The following DCUN1D5 variants were observed in gnomAD, a reference collection of about 807,000 sequenced individuals.
The protein encoded by DCUN1D5 is defective in cullin neddylation 1 domain containing 5.
DCUN1D5 carries 10 observed loss-of-function variants against 38.3 expected under a neutral mutation model. The ratio of observed to expected loss-of-function variants is 0.26; its 90% confidence interval spans 0.16 to 0.44. The LOEUF is 0.44. DCUN1D5 is among the 20% of genes least tolerant of loss of function. DCUN1D5 has a pLI of 1.00. For missense variants in DCUN1D5, 148 were observed against 275.3 expected, an observed-to-expected ratio of 0.54 and a Z score of 3.27; for synonymous variants, 93 against 90.9, an observed-to-expected ratio of 1.02 and a Z score of -0.13.
At position 103,091,919 on chromosome 11, in the gene DCUN1D5, T is replaced by TCCCTGTCCGCTGGAAGC; in HGVS notation, c.-64_-48dup. 6.4e-7 allele frequency: 1 copy of TCCCTGTCCGCTGGAAGC among 1,559,954 alleles called. No homozygotes were observed. Among genetic ancestry groups the TCCCTGTCCGCTGGAAGC allele is most frequent in the Non-Finnish European group, 8.7e-7 (1 of 1,146,736 alleles). The stretch of plus-strand genomic sequence containing the variant: ...TGGGCAGGGGAGCCGGGGAAGGGGG[T>TCCCTGTCCGCTGGAAGC]CCCTGTCCGCTGGAAGCCCCTCAGC... On this transcript the variant is annotated 5_prime_UTR_variant, in exon 1 of 8. Coordinates refer to ENST00000260247, the MANE Select transcript of DCUN1D5 (RefSeq NM_032299.4). This position sits in a 1 kb window ranked among gnomAD's most constrained non-coding sequence, Gnocchi z 4.3.
Position 103,065,186 on chromosome 11 carries a change from C to G in DCUN1D5, c.556-809G>C, listed in dbSNP as rs1426182906. Among the ~76,000 whole-genome samples, 1 of 150,236 alleles carries G rather than the reference C, an allele frequency of 6.7e-6. No individual in the cohort carries two copies. Among genetic ancestry groups the G allele is most frequent in the Admixed American group, 6.6e-5 (1 of 15,100 alleles). On this transcript the variant is annotated intron_variant, in intron 6 of 7. Coordinates refer to ENST00000260247, the MANE Select transcript of DCUN1D5 (RefSeq NM_032299.4). The surrounding 1 kb of genome is among the most constrained non-coding windows in gnomAD (Gnocchi z 4.6). ...TTTTTTTCTGAGACAGAGTCTCGTT[C>G]TGTCACCCAGGCTGGAGTGTAGTGG...
At chr11:103,079,170 T>C (rs1199688446) in intron 4 of DCUN1D5, among the ~76,000 whole-genome samples, 1 of 152,204 alleles carries the variant, frequency 6.6e-6, no homozygotes, top group African/African-American at 2.4e-5. Context: ...TATGAGAATC[T>C]AATGCCTGAT....
At chr11:103,085,445 TAAA>T (rs1862680047) in intron 2 of DCUN1D5, among the ~76,000 whole-genome samples, 1 of 152,018 alleles carries the variant, frequency 6.6e-6, no homozygotes, top group South Asian at 2.1e-4. Context: ...TCAAAAAATA[TAAA>T]AAATAAAAAA....
At position 103,057,098 on chromosome 11, in the gene DCUN1D5, A is replaced by G. The variant is rs1211448770; in HGVS notation, c.*5261T>C. ...CTCTCAATAGGCATAGTTTCAGGGA[A>G]TAATGTAAATTTCAAATAGGTAAGA... is the stretch of plus-strand genomic sequence containing the variant. On this transcript the variant is annotated 3_prime_UTR_variant, in exon 8 of 8. Coordinates refer to ENST00000260247, the MANE Select transcript of DCUN1D5 (RefSeq NM_032299.4). This position sits in a 1 kb window ranked among gnomAD's most constrained non-coding sequence, Gnocchi z 4.8. Among the ~76,000 whole-genome samples the G allele has an allele frequency of 3.3e-5, 5 of 152,188 alleles. No homozygotes were observed. Among genetic ancestry groups the G allele is most frequent in the Non-Finnish European group, 7.3e-5 (5 of 68,036 alleles).
chr11:103,074,802 G>A (rs1051133700), intron 4 of DCUN1D5, among the ~76,000 whole-genome samples: 3 of 152,202 alleles, frequency 2.0e-5, no homozygotes, highest in African/African-American at 7.2e-5. Context: ...TGTCTTATGC[G>A]GAAATTGTGA....
Position 103,051,722 on chromosome 11 carries a change from C to T in DCUN1D5, c.*10637G>A, listed in dbSNP as rs1288594338. 1.3e-5 allele frequency: 2 copies of T among 152,090 alleles called. No homozygotes were observed. Among genetic ancestry groups the T allele is most frequent in the African/African-American group, 2.4e-5 (1 of 41,380 alleles). The allele number at this position is 152,090 out of a possible 1,614,324, so 9.4% of individuals were successfully genotyped here. A position where few individuals can be genotyped will look rare whatever the true frequency, so the allele number is the denominator to read the frequency against. On this transcript the variant is annotated 3_prime_UTR_variant, in exon 8 of 8. Transcript: ENST00000260247. ...AATATGCACATCAATCTTACCTCTA[C>T]CTCACAGAAGAGGAAAAAGGGAGCT... is the stretch of plus-strand genomic sequence containing the variant.
intron 4 of DCUN1D5, among the ~76,000 whole-genome samples, chr11:103,069,313 C>T (rs1862213579): frequency 1.3e-5 from 2 of 152,132 alleles, no homozygotes; most frequent in African/African-American, 4.8e-5. Context: ...TGCCTTTTCT[C>T]TAGCCAAAAG....
rs1467065317 is a variant in DCUN1D5, at chr11:103,063,936, T to A, written c.658+339A>T. Among the ~76,000 whole-genome samples the A allele has an allele frequency of 6.6e-6, 1 of 152,184 alleles. No individual in the cohort carries two copies. The highest frequency in any genetic ancestry group is 2.4e-5 in the African/African-American group (1 of 41,468). On this transcript the variant is annotated intron_variant, in intron 7 of 7. Coordinates refer to ENST00000260247, the MANE Select transcript of DCUN1D5 (RefSeq NM_032299.4). The surrounding 1 kb of genome is among the most constrained non-coding windows in gnomAD (Gnocchi z 4.6). ...ATTGTGGCTGATTGTTTTGCTGTTA[T>A]ATTTTTAAAATCATGACTGTACTTT...
At chr11:103,072,071 C>T (rs1269708795) in intron 4 of DCUN1D5, among the ~76,000 whole-genome samples, 1 of 151,668 alleles carries the variant, frequency 6.6e-6, no homozygotes, top group Non-Finnish European at 1.5e-5. Context: ...GGAGTGTCCT[C>T]AACTTCGTAG....
At chr11:103,085,521 G>T (rs1862682835) in intron 2 of DCUN1D5, among the ~76,000 whole-genome samples, 1 of 152,094 alleles carries the variant, frequency 6.6e-6, no homozygotes, top group Non-Finnish European at 1.5e-5. Context: ...ATTAAAATTT[G>T]GTTAGAAGCA....
In DCUN1D5 at chr11:103,053,151, T is replaced by C. The variant is rs192672107; in HGVS notation, c.*9208A>G. ...TTTATTTTTTAATATTTCTCTTTTT[T>C]AAAAATAGAGTCCTTCCTATGAAGT... On this transcript the variant is annotated 3_prime_UTR_variant, in exon 8 of 8. Transcript: ENST00000260247. The surrounding 1 kb of genome is among the most constrained non-coding windows in gnomAD (Gnocchi z 4.8). 1.3e-5 allele frequency: 2 copies of C among 152,150 alleles called. No homozygotes were observed. Among genetic ancestry groups the C allele is most frequent in the Non-Finnish European group, 2.9e-5 (2 of 67,992 alleles). The allele number at this position is 152,150 out of a possible 1,614,324, so 9.4% of individuals were successfully genotyped here.
chr11:103,067,099 C>A (rs1555027805), intron 4 of DCUN1D5, among the ~76,000 whole-genome samples: 1 of 152,086 alleles, frequency 6.6e-6, no homozygotes, highest in Non-Finnish European at 1.5e-5. Context: ...AACAAAAAGT[C>A]AAAGTCAATC....
At chr11:103,072,787 C>G (rs931344544) in intron 4 of DCUN1D5, among the ~76,000 whole-genome samples, 1 of 151,400 alleles carries the variant, frequency 6.6e-6, no homozygotes, top group Non-Finnish European at 1.5e-5. Context: ...GGAGGGATAG[C>G]ATTAGGAGAT....
Position 103,078,295 on chromosome 11 carries a change from T to A in DCUN1D5, c.341+4453A>T, listed in dbSNP as rs576730835. Among the ~76,000 whole-genome samples, 2 of 152,296 alleles carry A rather than the reference T, an allele frequency of 1.3e-5. No individual in the cohort carries two copies. The highest frequency in any genetic ancestry group is 2.1e-4 in the South Asian group (1 of 4,830). ...ACACCAGACTTTCAGCTAGCAGATA[T>A]GAGAAAAGACCTCCACTCTAGTACA... On this transcript the variant is annotated intron_variant, in intron 4 of 7. Transcript: ENST00000260247. This position sits in a 1 kb window ranked among gnomAD's most constrained non-coding sequence, Gnocchi z 4.6.
In DCUN1D5 at chr11:103,091,608, G is replaced by T; in HGVS notation, c.86+179C>A. The T allele has an allele frequency of 9.0e-7, 1 of 1,113,444 alleles. No homozygotes were observed. Among genetic ancestry groups the T allele is most frequent in the Non-Finnish European group, 1.3e-6 (1 of 770,742 alleles). The allele number at this position is 1,113,444 out of a possible 1,614,324, so 69.0% of individuals were successfully genotyped here. A position where few individuals can be genotyped will look rare whatever the true frequency, so the allele number is the denominator to read the frequency against. ...CATAAACGCCAGCGTGCACACACTC[G>T]AACACGAGGTCGGGTCGGGCGCGGA... On this transcript the variant is annotated intron_variant, in intron 1 of 7. Transcript: ENST00000260247. The surrounding 1 kb of genome is among the most constrained non-coding windows in gnomAD (Gnocchi z 4.3).
rs1334404685 is a variant in DCUN1D5 at position 103,073,229 on chromosome 11, T to C, written c.342-6662A>G. On this transcript the variant is annotated intron_variant, in intron 4 of 7. Transcript: ENST00000260247. This position sits in a 1 kb window ranked among gnomAD's most constrained non-coding sequence, Gnocchi z 4.2. Reference sequence around the variant, plus strand: ...AACTACACAAAACTGATGAAAAAAATCAAATACCTAAAAAAATGAAGAGAC... The same window carrying C: ...AACTACACAAAACTGATGAAAAAAACCAAATACCTAAAAAAATGAAGAGAC... Among the ~76,000 whole-genome samples, 1 of 151,328 alleles carries C rather than the reference T, an allele frequency of 6.6e-6. No individual in the cohort carries two copies. Among genetic ancestry groups the C allele is most frequent in the Non-Finnish European group, 1.5e-5 (1 of 67,814 alleles).
intron 4 of DCUN1D5, among the ~76,000 whole-genome samples, chr11:103,070,416 T>C (rs1230947732): frequency 1.3e-5 from 2 of 152,192 alleles, no homozygotes; most frequent in East Asian, 1.9e-4. Context: ...CATTAGATGA[T>C]ATTAAAATAG....
Position 103,091,763 on chromosome 11 carries a change from T to G in DCUN1D5, c.86+24A>C. The G allele has an allele frequency of 1.9e-6, 3 of 1,613,690 alleles. No homozygotes were observed. The highest frequency in any genetic ancestry group is 2.5e-6 in the Non-Finnish European group (3 of 1,179,818). On this transcript the variant is annotated intron_variant, in intron 1 of 7. Coordinates refer to ENST00000260247, the MANE Select transcript of DCUN1D5 (RefSeq NM_032299.4). The surrounding 1 kb of genome is among the most constrained non-coding windows in gnomAD (Gnocchi z 4.3). ...CCAGCAAAGGAGGGAGGAGGGAAGC[T>G]TGAAGGGTGGGGGGAGATGGTACCT...
rs1862323208 is a variant in DCUN1D5, at chr11:103,073,188, G to A, written c.342-6621C>T. On this transcript the variant is annotated intron_variant, in intron 4 of 7. Transcript: ENST00000260247. The surrounding 1 kb of genome is among the most constrained non-coding windows in gnomAD (Gnocchi z 4.2). ...GTGTAATTCTAACAAAAGATGTACAGGACGTATATGCCGAAAACTACACAA... is the reference window on the plus strand; with the variant it reads ...GTGTAATTCTAACAAAAGATGTACAAGACGTATATGCCGAAAACTACACAA... Among the ~76,000 whole-genome samples, 1 of 151,916 alleles carries A rather than the reference G, an allele frequency of 6.6e-6. No individual in the cohort carries two copies. Among genetic ancestry groups the A allele is most frequent in the South Asian group, 2.1e-4 (1 of 4,806 alleles).
Sources: gnomAD v4.1 joint callset for allele counts (sites outside exome capture counted in the v4.1 genomes callset) on GRCh38, gnomAD v4.1.1 for gene constraint, Gnocchi (gnomAD v3.1) non-coding constraint, MANE v1.5 for transcripts, NCBI Gene and HGNC (gene_info 2026-07-23, HGNC 2026-07-21) for gene names.